The following PTPRD variants were observed in gnomAD, a reference collection of about 807,000 sequenced individuals.
PTPRD encodes receptor-type tyrosine-protein phosphatase delta.
PTPRD carries 34 observed loss-of-function variants against 214.5 expected under a neutral mutation model. The ratio of observed to expected loss-of-function variants is 0.16; its 90% CI spans 0.12 to 0.21. The LOEUF (loss-of-function observed/expected upper bound fraction) is 0.21. PTPRD is among the 10% of genes least tolerant of loss of function. The probability of loss-of-function intolerance (pLI) is 1.00; values close to 1 mark genes in which losing one functional copy is unlikely to be tolerated. For synonymous variants in PTPRD, 1,128 were observed against 845.7 expected (o/e 1.33, Z -5.79); for missense variants, 2,545 against 2,398.7 (o/e 1.06, Z -1.27).
intron 32 of PTPRD, among the ~76,000 whole-genome samples, chr9:8,462,027 T>C (rs1482477193): frequency 6.6e-6 from 1 of 151,988 alleles, no homozygotes; most frequent in Non-Finnish European, 1.5e-5. Flanking sequence ...GCCCAAGCTT[T>C]AACTATCAAC....
At chr9:10,034,168 A>G (rs1435003224) in intron 3 of PTPRD, among the ~76,000 whole-genome samples, 1 of 152,090 alleles carries the variant, frequency 6.6e-6, no homozygotes, top group East Asian at 1.9e-4. Flanking sequence ...GCTCTGATAT[A>G]AAAGTTCATG....
At chr9:10,164,390 T>G (rs776979838) in intron 3 of PTPRD, among the ~76,000 whole-genome samples, 7 of 151,506 alleles carry the variant, frequency 4.6e-5, no homozygotes, top group Non-Finnish European at 1.0e-4. Context: ...TTTTCCAGAT[T>G]CACTGTTTTT....
In PTPRD at chr9:8,507,360, G is replaced by A. The variant is rs770164058; in HGVS notation, c.1618C>T (p.Arg540Cys). 9 of 1,613,896 alleles carry A rather than the reference G, an allele frequency of 5.6e-6. No individual in the cohort carries two copies. Among genetic ancestry groups the A allele is most frequent in the South Asian group, 1.1e-5 (1 of 91,084 alleles). ...TSILLSWTPP[R>C]SDTIANYELV... ...TCATAGTTGGCAATGGTATCTGAAC[G>A]TGGAGGTGTCCAAGAGAGCAAAATA... Residue 540 changes from arginine (R) to cysteine (C), a missense_variant, in exon 22 of 46, where the codon CGT becomes TGT. Physicochemically the swap from Arg to Cys is radical, Grantham distance 180 (BLOSUM62 -3). Transcript: ENST00000381196.
intron 7 of PTPRD, among the ~76,000 whole-genome samples, chr9:9,676,490 T>G (rs1184946544): frequency 6.6e-6 from 1 of 152,028 alleles, no homozygotes; most frequent in Non-Finnish European, 1.5e-5. Context: ...TATTCCATGG[T>G]GTATATGTGC....
intron 11 of PTPRD, among the ~76,000 whole-genome samples, chr9:8,774,009 C>G (rs947868724): frequency 6.6e-6 from 1 of 152,160 alleles, no homozygotes; most frequent in African/African-American, 2.4e-5. Context: ...CCCTCCTCAA[C>G]GCGCAAAGGA....
chr9:10,457,447 C>T (rs781603638), intron 2 of PTPRD, among the ~76,000 whole-genome samples: 4 of 152,064 alleles, frequency 2.6e-5, no homozygotes, highest in Admixed American at 6.6e-5. Flanking sequence ...TTTCTGAGAA[C>T]GCTTCTTTCA....
intron 8 of PTPRD, among the ~76,000 whole-genome samples, chr9:9,491,837 A>G (rs188451793): frequency 1.3e-4 from 20 of 152,164 alleles, no homozygotes; most frequent in Non-Finnish European, 4.4e-5. Context: ...TTTACAACTA[A>G]TTAGAAAAAG....
chr9:9,351,476 GC>G (rs2051113481), intron 9 of PTPRD, among the ~76,000 whole-genome samples: 1 of 151,882 alleles, frequency 6.6e-6, no homozygotes, highest in Non-Finnish European at 1.5e-5. Context: ...TCTACAAAAC[GC>G]AAAGGACACA....
At chr9:9,640,353 T>A (rs1202379151) in intron 7 of PTPRD, among the ~76,000 whole-genome samples, 1 of 152,208 alleles carries the variant, frequency 6.6e-6, no homozygotes, top group African/African-American at 2.4e-5. Context: ...AGTCATTTTA[T>A]GCATTTAGGG....
intron 5 of PTPRD, among the ~76,000 whole-genome samples, chr9:9,923,586 A>C (rs2083286296): frequency 1.3e-5 from 2 of 151,980 alleles, no homozygotes; most frequent in Admixed American, 1.3e-4. Context: ...CATACAACAA[A>C]ACAATTTAAA....
chr9:8,681,104 G>A (rs1244320440), intron 12 of PTPRD, among the ~76,000 whole-genome samples: 1 of 152,116 alleles, frequency 6.6e-6, no homozygotes, highest in East Asian at 1.9e-4. Context: ...CATTCTGCCT[G>A]TGGCCCTCTA....
intron 9 of PTPRD, among the ~76,000 whole-genome samples, chr9:9,373,737 T>A (rs1017176834): frequency 2.0e-5 from 3 of 152,114 alleles, no homozygotes; most frequent in Non-Finnish European, 4.4e-5. Context: ...CATCTGGAAA[T>A]CTTTAATTGC....
chr9:8,511,137 T>C (rs928495491), intron 21 of PTPRD, among the ~76,000 whole-genome samples: 2 of 152,162 alleles, frequency 1.3e-5, no homozygotes, highest in African/African-American at 4.8e-5. Context: ...GGCACAATCA[T>C]GGTTCACTAC....
intron 3 of PTPRD, among the ~76,000 whole-genome samples, chr9:10,056,250 G>A (rs2097645767): frequency 6.6e-6 from 1 of 151,774 alleles, no homozygotes; most frequent in South Asian, 2.1e-4. Context: ...AAACCTGGGA[G>A]GCGGAGATTG....
intron 2 of PTPRD, among the ~76,000 whole-genome samples, chr9:10,555,388 T>TAGGA (rs781658695): frequency 6.6e-6 from 1 of 152,216 alleles, no homozygotes; most frequent in Non-Finnish European, 1.5e-5. Flanking sequence ...ATTGTATCAA[T>TAGGA]AGGAAGGAAG....
At chr9:9,666,539 TACAA>T (rs2096725757) in intron 7 of PTPRD, among the ~76,000 whole-genome samples, 1 of 151,962 alleles carries the variant, frequency 6.6e-6, no homozygotes, top group South Asian at 2.1e-4. Flanking sequence ...TGACAAAACT[TACAA>T]ACAATAATAA....
intron 39 of PTPRD, among the ~76,000 whole-genome samples, chr9:8,347,802 CG>C (rs1317326841): frequency 6.6e-6 from 1 of 151,988 alleles, no homozygotes; most frequent in Admixed American, 6.6e-5. Context: ...GGCCGTGTGA[CG>C]GCACAGTGAG....
At chr9:9,275,204 TA>T (rs1945095766) in intron 9 of PTPRD, among the ~76,000 whole-genome samples, 1 of 69,440 alleles carries the variant, frequency 1.4e-5, no homozygotes, top group Non-Finnish European at 2.7e-5. Context: ...ATATATTATA[TA>T]TATATATATA....
chr9:8,675,740 T>C (rs1446201100), intron 12 of PTPRD, among the ~76,000 whole-genome samples: 1 of 152,020 alleles, frequency 6.6e-6, no homozygotes, highest in Non-Finnish European at 1.5e-5. Flanking sequence ...CTCCATCACC[T>C]TGTCTCCACC....
Sources: gnomAD v4.1 joint callset for allele counts (sites outside exome capture counted in the v4.1 genomes callset) on GRCh38, gnomAD v4.1.1 for gene constraint, MANE v1.5 for transcripts, NCBI Gene and HGNC (gene_info 2026-07-23, HGNC 2026-07-21) for gene names.